Variants in RP1 observed in about 807,000 individuals in gnomAD.
RP1 encodes the protein RP1 axonemal microtubule associated.
RP1 carries 16 observed loss-of-function variants against 14.8 expected under a neutral mutation model. The ratio of observed to expected loss-of-function variants is 1.08; its 90% CI spans 0.73 to 1.65. The LOEUF is 1.65. Among genes scored for constraint, RP1 ranks in the 40% most tolerant of loss-of-function variants. The pLI is 0.00. For synonymous variants in RP1, 876 were observed against 883.6 expected, an observed-to-expected ratio of 0.99 and a Z score of 0.15; for missense variants, 2,631 against 2,535.0, an observed-to-expected ratio of 1.04 and a Z score of -0.81.
rs1019722397 is a variant in RP1, at chr8:54,630,048, G to A, written c.6166G>A (p.Gly2056Ser). The change falls in exon 4 of 4, where the codon GGT (glycine) becomes AGT (serine). Residue 2056 changes from glycine (G) to serine (S), a missense_variant. Transcript: ENST00000220676. ...GGATTCAAATACACAAGACCTCAGC[G>A]GTCAGACAAATGAAATCTTTAAAGC... is the stretch of plus-strand genomic sequence containing the variant. ...NVDSNTQDLSGQTNEIFKAVD... is the reference protein window; with the variant it reads ...NVDSNTQDLSSQTNEIFKAVD... 6.2e-6 allele frequency: 10 copies of A among 1,613,924 alleles called. No individual in the cohort carries two copies. The highest frequency in any genetic ancestry group is 1.3e-5 in the African/African-American group (1 of 75,018).
At chr8:54,723,206 T>C (rs917647292) in intron 16 of RP1, among the ~76,000 whole-genome samples, 4 of 152,224 alleles carry the variant, frequency 2.6e-5, no homozygotes, top group Non-Finnish European at 5.9e-5. Flanking sequence ...ATATGTAAGA[T>C]GCTTAGAATA....
intron 3 of RP1, among the ~76,000 whole-genome samples, chr8:54,643,453 A>C (rs1806489213): frequency 6.6e-6 from 1 of 152,208 alleles, no homozygotes; most frequent in Non-Finnish European, 1.5e-5. Context: ...GGAATCATAA[A>C]GTATATACTC....
At chr8:54,684,141 C>G (rs944446200) in intron 12 of RP1, among the ~76,000 whole-genome samples, 2 of 151,818 alleles carry the variant, frequency 1.3e-5, no homozygotes, top group South Asian at 2.1e-4. Context: ...TTGAATCAAC[C>G]TTGCATCCCA....
chr8:54,685,455 T>C (rs1253657544), intron 12 of RP1, among the ~76,000 whole-genome samples: 1 of 152,158 alleles, frequency 6.6e-6, no homozygotes, highest in Non-Finnish European at 1.5e-5. Context: ...TCCATGTAGT[T>C]GTGTGGTTTT....
At chr8:54,595,007 C>T (rs553451641) in intron 1 of RP1, among the ~76,000 whole-genome samples, 30 of 151,952 alleles carry the variant, frequency 2.0e-4, no homozygotes, top group African/African-American at 7.2e-4. Context: ...AGGTATTTTT[C>T]TTACTCAAAA....
At chr8:54,649,666 T>C (rs1369915761) in intron 4 of RP1, among the ~76,000 whole-genome samples, 3 of 152,162 alleles carry the variant, frequency 2.0e-5, no homozygotes, top group East Asian at 3.9e-4. Flanking sequence ...AAGGCAAGAC[T>C]TGAAGTGGGT....
chr8:54,733,746 G>A (rs560330612), intron 17 of RP1, among the ~76,000 whole-genome samples: 47 of 152,134 alleles, frequency 3.1e-4, no homozygotes, highest in Non-Finnish European at 6.0e-4. Flanking sequence ...AGTGCATTTG[G>A]GGTACTTTCA....
intron 12 of RP1, chr8:54,697,270 C>T: frequency 3.5e-6 from 2 of 578,332 alleles, no homozygotes; most frequent in Admixed American, 2.7e-5. Flanking sequence ...AAAGACAGTA[C>T]CTGGCCGGGC....
chr8:54,857,819 A>T (rs145784641), intron 27 of RP1, among the ~76,000 whole-genome samples: 1 of 152,194 alleles, frequency 6.6e-6, no homozygotes, highest in African/African-American at 2.4e-5. Flanking sequence ...CTCCCCAGGC[A>T]CAGCTATCAA....
chr8:54,750,524 A>G (rs751856124), intron 19 of RP1, among the ~76,000 whole-genome samples: 19 of 152,210 alleles, frequency 1.2e-4, no homozygotes, highest in Non-Finnish European at 1.8e-4. Context: ...TGGACTTCCT[A>G]GGTCAAGTGG....
chr8:54,698,598 T>C (rs957721086), intron 12 of RP1, among the ~76,000 whole-genome samples: 2 of 152,218 alleles, frequency 1.3e-5, no homozygotes, highest in African/African-American at 4.8e-5. Flanking sequence ...CGTATGTTTA[T>C]TGCAGCACTG....
chr8:54,706,909 T>C (rs1393498134), intron 15 of RP1, among the ~76,000 whole-genome samples: 1 of 152,150 alleles, frequency 6.6e-6, no homozygotes, highest in Non-Finnish European at 1.5e-5. Context: ...AGGAAGTAGA[T>C]TCTGATTGAG....
intron 24 of RP1, among the ~76,000 whole-genome samples, chr8:54,789,669 G>A (rs1275215146): frequency 6.6e-6 from 1 of 152,178 alleles, no homozygotes; most frequent in Admixed American, 6.5e-5. Flanking sequence ...AAATTGTGGA[G>A]CATAGCCTGA....
At position 54,753,081 on chromosome 8, in the gene RP1, T is replaced by C. The variant is rs545349905; in HGVS notation, c.2809-1722T>C. Among the ~76,000 whole-genome samples the C allele has an allele frequency of 5.9e-5, 9 of 152,324 alleles. No individual in the cohort carries two copies. In the South Asian group the frequency reaches 1.9e-3, roughly 32 times the overall value. ...TCTATTTTAAAGACCACAGAAGTGG[T>C]ATTCAAAGTGGTTACATGATTTCTC... On this transcript the variant is annotated intron_variant, in intron 19 of 22. Coordinates refer to the RP1 transcript ENST00000636932.
intron 27 of RP1, among the ~76,000 whole-genome samples, chr8:54,858,655 G>A (rs1355062942): frequency 6.6e-6 from 1 of 151,956 alleles, no homozygotes; most frequent in Non-Finnish European, 1.5e-5. Context: ...TTTCTGTAAG[G>A]TGGTGTCACT....
At chr8:54,686,778 C>T (rs1258828861) in intron 12 of RP1, among the ~76,000 whole-genome samples, 1 of 152,038 alleles carries the variant, frequency 6.6e-6, no homozygotes, top group African/African-American at 2.4e-5. Flanking sequence ...CTTTACATCC[C>T]TTGACATTTC....
At chr8:54,790,988 C>A (rs56270615) in intron 24 of RP1, among the ~76,000 whole-genome samples, 8,759 of 152,158 alleles carry the variant, frequency 0.058, 778 homozygotes, top group African/African-American at 0.19. Flanking sequence ...AATAGACATT[C>A]TGATTTGTGA....
intron 1 of RP1, among the ~76,000 whole-genome samples, chr8:54,600,651 C>G (rs1563322176): frequency 6.6e-6 from 1 of 152,072 alleles, no homozygotes; most frequent in Non-Finnish European, 1.5e-5. Flanking sequence ...TGGAGAAGGG[C>G]ACAGGTCGAG....
intron 1 of RP1, among the ~76,000 whole-genome samples, chr8:54,577,935 GACAA>G (rs1268696931): frequency 7.6e-6 from 1 of 132,316 alleles, no homozygotes; most frequent in East Asian, 2.1e-4. Flanking sequence ...ATGAAAGCAT[GACAA>G]ACATTTTCTT....
Sources: allele counts gnomAD v4.1 joint callset (sites outside exome capture counted in the v4.1 genomes callset), GRCh38; gene constraint gnomAD v4.1.1; transcripts MANE v1.5; gene names NCBI Gene and HGNC (gene_info 2026-07-23, HGNC 2026-07-21).